COL16A1: variants seen among roughly 807,000 people sequenced by gnomAD.
COL16A1 encodes the protein collagen type XVI alpha 1 chain.
A neutral mutation model predicts 266.3 loss-of-function variants in COL16A1; 189 were observed. The ratio of observed to expected loss-of-function variants is 0.71; its 90% CI spans 0.63 to 0.80. The LOEUF (loss-of-function observed/expected upper bound fraction) is 0.80. COL16A1 is among the 30% of genes least tolerant of loss of function. COL16A1 has a pLI of 0.00. For missense variants in COL16A1, 1,928 were observed against 2,122.4 expected, an observed-to-expected ratio of 0.91 and a Z score of 1.80; for synonymous variants, 740 against 782.3, an observed-to-expected ratio of 0.95 and a Z score of 0.90.
chr1:31,684,699 G>A lies in COL16A1; in HGVS notation c.2053-69C>T, dbSNP rs1570515877. The A allele has an allele frequency of 2.1e-5, 34 of 1,607,478 alleles. No homozygotes were observed. The Middle Eastern group carries it at 6.6e-4, about 31-fold the overall frequency. ...GGGGCAGGTTGCCCCCCTGGGACTC[G>A]CAGGCACTCACACTCCTTTGCCGGG... On this transcript the variant is annotated intron_variant, in intron 30 of 70. Transcript: ENST00000373672.
chr1:31,658,266 C>T lies in COL16A1; in HGVS notation c.4020+222G>A, dbSNP rs1486549831. Among the ~76,000 whole-genome samples, 8 of 152,224 alleles carry T rather than the reference C, an allele frequency of 5.3e-5. No homozygotes were observed. The East Asian group carries it at 1.3e-3, about 26-fold the overall frequency. ...GGTCTGCAGAAGGTTGATGCTGAGG[C>T]ACCGTCATGGGCAGTGACCTCATGT... On this transcript the variant is annotated intron_variant, in intron 64 of 70. Coordinates refer to ENST00000373672, the MANE Select transcript of COL16A1 (RefSeq NM_001856.4).
chr1:31,665,173 T>A lies in COL16A1; in HGVS notation c.3554A>T (p.Lys1185Met), dbSNP rs370336855. The part of the protein sequence containing the change: ...SPGPPGPQAE[K>M]GSEGIRGPSG... Reference sequence around the variant, plus strand: ...TTGCCAACCCAGGGTCCTGCTCACCTTCTCTGCTTGAGGGCCAGGTGGGCC... The same window carrying A: ...TTGCCAACCCAGGGTCCTGCTCACCATCTCTGCTTGAGGGCCAGGTGGGCC... Residue 1185 changes from lysine (K) to methionine (M), a missense_variant and splice_region_variant, in exon 56 of 71, where the codon AAG becomes ATG. Coordinates refer to ENST00000373672, the MANE Select transcript of COL16A1 (RefSeq NM_001856.4). 1.6e-5 allele frequency: 25 copies of A among 1,606,988 alleles called. No homozygotes were observed. The highest frequency in any genetic ancestry group is 2.1e-5 in the Non-Finnish European group (25 of 1,178,048).
intron 47 of COL16A1, 54 bp from the exon 48 acceptor site, chr1:31,671,713 C>G: frequency 1.2e-6 from 2 of 1,610,406 alleles, no homozygotes; most frequent in Non-Finnish European, 1.7e-6. Flanking sequence ...CATAGAGCCC[C>G]TGGGATTCCA....
chr1:31,689,247 C>A, intron 23 of COL16A1, 162 bp from the exon 24 acceptor site: 1 of 1,175,084 alleles, frequency 8.5e-7, no homozygotes, highest in Admixed American at 2.7e-5. Context: ...GGTTCATCAA[C>A]CCACATAACA....
intron 52 of COL16A1, among the ~76,000 whole-genome samples, chr1:31,666,601 C>CT (rs1166181198): frequency 1.2e-4 from 19 of 152,080 alleles, no homozygotes; most frequent in Non-Finnish European, 2.1e-4. Context: ...AGAATGCCCC[C>CT]TTCCCCCCTT....
chr1:31,660,298 A>T, intron 62 of COL16A1: 1 of 343,762 alleles, frequency 2.9e-6, no homozygotes, highest in Non-Finnish European at 5.3e-6. Flanking sequence ...TGTCTCCCCA[A>T]CCCCAATCCA....
chr1:31,654,967 GATTCT>G, intron 67 of COL16A1, 109 bp from the exon 68 acceptor site: 1 of 384,176 alleles, frequency 2.6e-6, no homozygotes, highest in Non-Finnish European at 4.2e-6. Flanking sequence ...GCCTCCCACA[GATTCT>G]TTTTTTTTTT....
intron 37 of COL16A1, among the ~76,000 whole-genome samples, chr1:31,681,324 C>A (rs2148757098): frequency 6.6e-6 from 1 of 152,364 alleles, no homozygotes; most frequent in East Asian, 1.9e-4. Context: ...GCTCTCCCAG[C>A]CCGGCAGGAC....
rs780416150 is a variant in COL16A1, at chr1:31,683,705, A to G, written c.2379+2T>C. 2 of 1,614,084 alleles carry G rather than the reference A, an allele frequency of 1.2e-6. No individual in the cohort carries two copies. The highest frequency in any genetic ancestry group is 4.5e-5 in the East Asian group (2 of 44,882). ...CAGGCAAAGGCAGGGCTAGAGACTCACCTGGGGTCCCTGGACTCCCCTTCC... is the reference window on the plus strand; with the variant it reads ...CAGGCAAAGGCAGGGCTAGAGACTCGCCTGGGGTCCCTGGACTCCCCTTCC... On this transcript the variant is annotated splice_donor_variant, in intron 34 of 70. Transcript: ENST00000373672. LOFTEE classifies it high-confidence loss of function.
chr1:31,660,223 C>G (rs1641534460), intron 62 of COL16A1: 2 of 202,552 alleles, frequency 9.9e-6, no homozygotes, highest in African/African-American at 2.3e-5. Flanking sequence ...AAACACACCA[C>G]CTATTTACCC....
chr1:31,661,007 C>A, intron 61 of COL16A1, 59 bp downstream of exon 61: 3 of 1,513,122 alleles, frequency 2.0e-6, no homozygotes, highest in South Asian at 2.5e-5. Flanking sequence ...GGCTGCATCC[C>A]AGACTCTGCA....
At position 31,698,367 on chromosome 1, in the gene COL16A1, G is replaced by A. The variant is rs1419431651; in HGVS notation, c.390+116C>T. On this transcript the variant is annotated intron_variant, in intron 5 of 70. Coordinates refer to ENST00000373672, the MANE Select transcript of COL16A1 (RefSeq NM_001856.4). The surrounding 1 kb of genome is among the most constrained non-coding windows in gnomAD (Gnocchi z 4.1). ...ACTGGTGGGCTGGGGACAGGCTTGA[G>A]GGTAGGCACAGGATGGAGCAGGGAG... 2.6e-6 allele frequency: 4 copies of A among 1,549,138 alleles called. No individual in the cohort carries two copies. In the East Asian group the frequency reaches 9.0e-5, roughly 35 times the overall value.
rs1641940013 is a variant in COL16A1 at position 31,664,250 on chromosome 1, G to A, written c.3555+922C>T. 6.6e-6 allele frequency among the ~76,000 whole-genome samples: 1 copy of A among 152,190 alleles called. No individual in the cohort carries two copies. ...CATGGCTGATCAGCATGGGCTCTGG[G>A]GAGGTAGTGAGGTGCCCGGGTCCTC... is the stretch of plus-strand genomic sequence containing the variant. On this transcript the variant is annotated intron_variant, in intron 56 of 70. Transcript: ENST00000373672. This position sits in a 1 kb window ranked among gnomAD's most constrained non-coding sequence, Gnocchi z 5.5.
rs114852423 is a variant in COL16A1 at position 31,652,768 on chromosome 1, C to T, written c.4698G>A (p.Pro1566=). Residue 1566 remains proline, a synonymous_variant, in exon 71 of 71, where the codon CCG becomes CCA. Transcript: ENST00000373672. This position sits in a 1 kb window ranked among gnomAD's most constrained non-coding sequence, Gnocchi z 4.8. ...CCTTGCCTGGCTGGCCCATGGGACC[C>T]GGGGGCCCAGGGATGCCAGGGATGC... ...QQGIPGIPGP[P]GPMGQPGKAG... is the part of the protein sequence containing the mutation. 5.1e-4 allele frequency: 822 copies of T among 1,600,228 alleles called. 3 individuals carry two copies. The African/African-American group carries it at 0.01, about 20-fold the overall frequency.
At chr1:31,680,344 T>C (rs980032107) in intron 39 of COL16A1, among the ~76,000 whole-genome samples, 2 of 152,212 alleles carry the variant, frequency 1.3e-5, no homozygotes, top group Admixed American at 6.5e-5. Flanking sequence ...GATTCGTGTA[T>C]GCAGGGGTCC....
At position 31,697,337 on chromosome 1, in the gene COL16A1, A is replaced by G. The variant is rs763689985; in HGVS notation, c.658-37T>C. The stretch of plus-strand genomic sequence containing the variant: ...ACACACATCAATTTCACTTCATTTT[A>G]TCAAATAGCTCTGTGTCCTGGCCCC... On this transcript the variant is annotated intron_variant, in intron 6 of 70. Coordinates refer to ENST00000373672, the MANE Select transcript of COL16A1 (RefSeq NM_001856.4). This position sits in a 1 kb window ranked among gnomAD's most constrained non-coding sequence, Gnocchi z 4.2. 25 of 1,562,526 alleles carry G rather than the reference A, an allele frequency of 1.6e-5. No individual in the cohort carries two copies. The highest frequency in any genetic ancestry group is 2.1e-5 in the Non-Finnish European group (24 of 1,150,112).
At chr1:31,654,088 A>T in intron 68 of COL16A1, 45 bp from the exon 69 acceptor site, 1 of 1,575,756 alleles carries the variant, frequency 6.3e-7, no homozygotes, top group Non-Finnish European at 8.6e-7. Flanking sequence ...AGGGTCCCCC[A>T]GGGACTCAGA....
intron 52 of COL16A1, among the ~76,000 whole-genome samples, chr1:31,666,540 C>A (rs903867202): frequency 6.6e-6 from 1 of 152,154 alleles, no homozygotes; most frequent in Admixed American, 6.5e-5. Context: ...ACACTCTATA[C>A]CCTCACACCC....
At chr1:31,655,194 T>G (rs563585304) in intron 67 of COL16A1, 120 bp downstream of exon 67, 1 of 1,469,092 alleles carries the variant, frequency 6.8e-7, no homozygotes, top group South Asian at 1.4e-5. Flanking sequence ...AGAGCTGCCC[T>G]CTATGGGAGC....
Sources: gnomAD v4.1 joint callset for allele counts (sites outside exome capture counted in the v4.1 genomes callset) on GRCh38, gnomAD v4.1.1 for gene constraint, Gnocchi (gnomAD v3.1) non-coding constraint, MANE v1.5 for transcripts, NCBI Gene and HGNC (gene_info 2026-07-23, HGNC 2026-07-21) for gene names.